Variants in PCDH11X observed in about 807,000 individuals in gnomAD.
The protein encoded by PCDH11X is protocadherin 11 X-linked.
Under a neutral mutation model 53.3 loss-of-function variants are expected in PCDH11X, and 18 were observed. The ratio of observed to expected loss-of-function variants is 0.34; its 90% CI spans 0.23 to 0.50. The LOEUF is 0.50. Ranked by LOEUF, PCDH11X falls within the 20% of genes least tolerant of loss-of-function variation. The probability of loss-of-function intolerance (pLI) is 0.98; values close to 1 mark genes in which losing one functional copy is unlikely to be tolerated. For missense variants in PCDH11X, 570 were observed against 1,032.4 expected, an observed-to-expected ratio of 0.55 and a Z score of 6.14; for synonymous variants, 279 against 393.3, an observed-to-expected ratio of 0.71 and a Z score of 3.44.
chrX:92,004,206 A>G (rs1403887330), intron 6 of PCDH11X, among the ~76,000 whole-genome samples: 1 of 111,897 alleles, frequency 8.9e-6, no homozygotes, highest in African/African-American at 3.2e-5. Context: ...AGTTCTTGTT[A>G]TTTATTTCTA....
chrX:92,331,469 G>A (rs1490392842), intron 8 of PCDH11X, among the ~76,000 whole-genome samples: 1 of 103,892 alleles, frequency 9.6e-6, no homozygotes, highest in Non-Finnish European at 2.0e-5. Flanking sequence ...AACTGCCTAT[G>A]CTAGCTATGG....
chrX:91,958,106 T>C (rs2061734323), intron 6 of PCDH11X, among the ~76,000 whole-genome samples: 1 of 110,832 alleles, frequency 9.0e-6, no homozygotes, highest in South Asian at 3.8e-4. Context: ...GGACCATCTG[T>C]ATTCTCCACA....
intron 10 of PCDH11X, among the ~76,000 whole-genome samples, chrX:92,614,710 G>C (rs1228223626): frequency 5.5e-5 from 6 of 108,787 alleles, no homozygotes; most frequent in Non-Finnish European, 1.1e-4. Context: ...CACTTAGCAA[G>C]GATCCAGTGG....
At chrX:92,070,911 T>C (rs1446251875) in intron 6 of PCDH11X, among the ~76,000 whole-genome samples, 3 of 110,818 alleles carry the variant, frequency 2.7e-5, no homozygotes, top group Non-Finnish European at 3.8e-5. Flanking sequence ...GTAATTTTCC[T>C]GCCTCAGCCT....
chrX:92,229,363 C>G (rs908086610), intron 7 of PCDH11X, among the ~76,000 whole-genome samples: 2 of 110,847 alleles, frequency 1.8e-5, no homozygotes, highest in Non-Finnish European at 3.8e-5. Flanking sequence ...TTGCCAAGGT[C>G]TCATCTTTCT....
chrX:92,117,448 AAG>A (rs1451475106), intron 6 of PCDH11X, among the ~76,000 whole-genome samples: 1 of 109,897 alleles, frequency 9.1e-6, no homozygotes, highest in Non-Finnish European at 1.9e-5. Flanking sequence ...AAAAAAAAAA[AAG>A]TAATACCATA....
intron 6 of PCDH11X, among the ~76,000 whole-genome samples, chrX:91,990,509 T>C (rs1352238838): frequency 1.8e-5 from 2 of 111,840 alleles, no homozygotes; most frequent in Non-Finnish European, 1.9e-5. Context: ...CCCTGCTTCA[T>C]GGTATGATGA....
intron 6 of PCDH11X, among the ~76,000 whole-genome samples, chrX:91,903,151 C>A (rs1270590401): frequency 9.0e-6 from 1 of 110,969 alleles, no homozygotes; most frequent in Non-Finnish European, 1.9e-5. Flanking sequence ...TTCTTAAACA[C>A]AAGAGTAGCA....
At chrX:92,475,314 T>TCAA (rs2073359525) in intron 10 of PCDH11X, among the ~76,000 whole-genome samples, 1 of 111,268 alleles carries the variant, frequency 9.0e-6, no homozygotes, top group Admixed American at 9.6e-5. Flanking sequence ...TTCTATTCTT[T>TCAA]TTAATTGAGG....
chrX:92,041,412 A>C (rs35319746), intron 6 of PCDH11X, among the ~76,000 whole-genome samples: 3 of 111,748 alleles, frequency 2.7e-5, no homozygotes, highest in African/African-American at 9.7e-5. Context: ...TACTTTGCTC[A>C]CAATAATCCA....
rs1166023502 is a variant in PCDH11X at position 92,018,833 on chromosome X, G to A, written c.3033+139560G>A. 5.3e-5 allele frequency among the ~76,000 whole-genome samples: 6 copies of A among 112,461 alleles called. No homozygotes were observed. The East Asian group carries it at 1.1e-3, about 21-fold the overall frequency. On this transcript the variant is annotated intron_variant, in intron 6 of 10. Transcript: ENST00000682573. ...TGTGTTCTAGGCACACTACACCTTC[G>A]TTTATAATCTTACATGTATCAGAAA...
chrX:92,551,449 TTC>T (rs1270478511), intron 10 of PCDH11X, among the ~76,000 whole-genome samples: 3 of 106,255 alleles, frequency 2.8e-5, no homozygotes, highest in African/African-American at 1.0e-4. Context: ...TCCTTATATA[TTC>T]TGTTTATTAA....
At chrX:91,875,954 T>C (rs370217997) in intron 5 of PCDH11X, among the ~76,000 whole-genome samples, 2 of 111,324 alleles carry the variant, frequency 1.8e-5, no homozygotes, top group East Asian at 5.6e-4. Context: ...CTTACTTTAG[T>C]ACTGAAAAAG....
intron 5 of PCDH11X, among the ~76,000 whole-genome samples, chrX:91,853,597 T>C (rs1938159501): frequency 9.2e-6 from 1 of 108,576 alleles, no homozygotes; most frequent in Non-Finnish European, 1.9e-5. Context: ...TTTAAAATAA[T>C]AAACTTTGAG....
At chrX:92,216,321 G>A (rs2148345305) in intron 7 of PCDH11X, among the ~76,000 whole-genome samples, 1 of 108,656 alleles carries the variant, frequency 9.2e-6, no homozygotes, top group East Asian at 3.0e-4. Flanking sequence ...TTAGACGAAT[G>A]TATAACTAGA....
chrX:92,314,000 A>C (rs1237290469), intron 8 of PCDH11X, among the ~76,000 whole-genome samples: 2 of 111,358 alleles, frequency 1.8e-5, no homozygotes, highest in Non-Finnish European at 3.8e-5. Flanking sequence ...AACACTGTAC[A>C]CTTAGGATAC....
chrX:92,330,167 C>T (rs2069430724), intron 8 of PCDH11X, among the ~76,000 whole-genome samples: 1 of 109,102 alleles, frequency 9.2e-6, no homozygotes, highest in Non-Finnish European at 1.9e-5. Flanking sequence ...AAAGACAAAC[C>T]ACAAAGAAAG....
chrX:92,594,809 A>C (rs1281995709), intron 10 of PCDH11X, among the ~76,000 whole-genome samples: 1 of 104,993 alleles, frequency 9.5e-6, no homozygotes, highest in Non-Finnish European at 1.9e-5. Context: ...AAACCAAAAT[A>C]ATCTTCCTAC....
intron 6 of PCDH11X, among the ~76,000 whole-genome samples, chrX:91,918,389 G>A (rs1037917230): frequency 1.9e-5 from 2 of 108,083 alleles, no homozygotes; most frequent in African/African-American, 6.7e-5. Flanking sequence ...CAAGCAGAAT[G>A]CCACATATTA....
Sources: allele counts gnomAD v4.1 joint callset (sites outside exome capture counted in the v4.1 genomes callset), GRCh38; gene constraint gnomAD v4.1.1; transcripts MANE v1.5; gene names NCBI Gene and HGNC (gene_info 2026-07-23, HGNC 2026-07-21).